The following CCSER1 variants were observed in gnomAD, a reference collection of about 807,000 sequenced individuals.
CCSER1 encodes the protein coiled-coil serine rich protein 1, also known as serine-rich coiled-coil domain-containing protein 1.
Under a neutral mutation model 82.0 loss-of-function variants are expected in CCSER1, and 41 were observed. The ratio of observed to expected loss-of-function variants is 0.50; its 90% CI spans 0.39 to 0.65. CCSER1 has a LOEUF of 0.65. Ranked by LOEUF, CCSER1 falls within the 30% of genes least tolerant of loss-of-function variation. CCSER1 has a pLI of 0.00. For missense variants in CCSER1, 1,119 were observed against 1,064.2 expected, an observed-to-expected ratio of 1.05 and a Z score of -0.72; for synonymous variants, 414 against 383.9, an observed-to-expected ratio of 1.08 and a Z score of -0.92.
intron 8 of CCSER1, among the ~76,000 whole-genome samples, chr4:90,825,119 G>C (rs889384101): frequency 1.2e-4 from 18 of 152,298 alleles, no homozygotes; most frequent in African/African-American, 3.8e-4. Flanking sequence ...ATTTGTTAAA[G>C]TCTTTATCAC....
At chr4:91,300,564 A>G (rs768080076) in intron 10 of CCSER1, among the ~76,000 whole-genome samples, 8 of 151,878 alleles carry the variant, frequency 5.3e-5, no homozygotes, top group Non-Finnish European at 8.8e-5. Flanking sequence ...AATTACTCCA[A>G]TATTTTAAAA....
At chr4:91,029,630 A>G (rs901693492) in intron 9 of CCSER1, among the ~76,000 whole-genome samples, 3 of 152,094 alleles carry the variant, frequency 2.0e-5, no homozygotes, top group Non-Finnish European at 4.4e-5. Flanking sequence ...ACTAATAATT[A>G]TAAAGGTCAG....
intron 1 of CCSER1, among the ~76,000 whole-genome samples, chr4:90,209,271 G>T (rs1296925405): frequency 6.6e-6 from 1 of 152,164 alleles, no homozygotes; most frequent in Non-Finnish European, 1.5e-5. Context: ...CCCAAGTGAG[G>T]GGCACCCCTA....
chr4:90,801,215 A>G (rs1756761905), intron 7 of CCSER1, among the ~76,000 whole-genome samples: 1 of 152,168 alleles, frequency 6.6e-6, no homozygotes, highest in East Asian at 1.9e-4. Flanking sequence ...AGGCTGATGA[A>G]CACTTTCTTG....
At chr4:91,160,499 T>G (rs564712588) in intron 10 of CCSER1, among the ~76,000 whole-genome samples, 1 of 152,222 alleles carries the variant, frequency 6.6e-6, no homozygotes, top group Admixed American at 6.5e-5. Flanking sequence ...TGAACTAGTT[T>G]ACAGTCCCAC....
chr4:90,189,948 T>C (rs962366492), intron 1 of CCSER1, among the ~76,000 whole-genome samples: 1 of 152,034 alleles, frequency 6.6e-6, no homozygotes, highest in African/African-American at 2.4e-5. Context: ...TATTTACAGA[T>C]ACCAGTAGAG....
intron 7 of CCSER1, among the ~76,000 whole-genome samples, chr4:90,808,493 C>T (rs895820593): frequency 3.3e-5 from 5 of 151,914 alleles, no homozygotes; most frequent in African/African-American, 7.3e-5. Context: ...ACCTGTACAT[C>T]GACAAAGAAC....
intron 8 of CCSER1, among the ~76,000 whole-genome samples, chr4:90,912,876 G>A (rs529807441): frequency 4.0e-4 from 61 of 152,338 alleles, no homozygotes; most frequent in Non-Finnish European, 6.3e-4. Context: ...TCAACTGGAA[G>A]AAAGGGTATC....
intron 4 of CCSER1, among the ~76,000 whole-genome samples, chr4:90,426,558 A>G (rs1757553383): frequency 6.6e-6 from 1 of 152,146 alleles, no homozygotes; most frequent in South Asian, 2.1e-4. Flanking sequence ...TAGCTGAAAA[A>G]CAATAGAAGG....
chr4:90,611,845 C>T lies in CCSER1; in HGVS notation c.1725-16180C>T, dbSNP rs567869278. ...TATTTCTGTTATCCTCAAAATAAAA[C>T]CACTCACGTGGCATGAAAAGGAGTC... On this transcript the variant is annotated intron_variant, in intron 5 of 10. Coordinates refer to ENST00000509176, the MANE Select transcript of CCSER1 (RefSeq NM_001145065.2). Among the ~76,000 whole-genome samples the T allele has an allele frequency of 2.5e-4, 38 of 149,926 alleles. No individual in the cohort carries two copies. The South Asian group carries it at 7.3e-3, about 29-fold the overall frequency.
At chr4:91,509,710 C>T (rs991580838) in intron 10 of CCSER1, among the ~76,000 whole-genome samples, 1 of 151,980 alleles carries the variant, frequency 6.6e-6, no homozygotes, top group African/African-American at 2.4e-5. Flanking sequence ...TAAATTCTTT[C>T]AGTTTTTTTG....
intron 10 of CCSER1, among the ~76,000 whole-genome samples, chr4:91,374,733 C>T (rs571584501): frequency 5.3e-5 from 8 of 152,334 alleles, no homozygotes; most frequent in Middle Eastern, 3.4e-3. Flanking sequence ...TGATGGCTCA[C>T]GCCTGTAATC....
chr4:90,721,701 A>G (rs980536112), intron 6 of CCSER1, among the ~76,000 whole-genome samples: 15 of 151,872 alleles, frequency 9.9e-5, no homozygotes, highest in Admixed American at 7.2e-4. Context: ...ACTTATCTTC[A>G]AAAGGTTTAC....
At chr4:90,683,718 A>C (rs1734296231) in intron 6 of CCSER1, among the ~76,000 whole-genome samples, 1 of 152,070 alleles carries the variant, frequency 6.6e-6, no homozygotes. Flanking sequence ...ACAAAAAGAA[A>C]ATAGCATACC....
At chr4:90,823,679 ATT>A (rs1760071729) in intron 8 of CCSER1, among the ~76,000 whole-genome samples, 1 of 151,992 alleles carries the variant, frequency 6.6e-6, no homozygotes, top group Non-Finnish European at 1.5e-5. Flanking sequence ...ATGTTTGGAC[ATT>A]TTAGTTTATA....
chr4:91,332,734 C>A (rs1747042700), intron 10 of CCSER1, among the ~76,000 whole-genome samples: 1 of 151,934 alleles, frequency 6.6e-6, no homozygotes, highest in South Asian at 2.1e-4. Context: ...ACGTAAGGAG[C>A]TTTGTATACT....
Position 90,785,246 on chromosome 4 carries a change from C to T in CCSER1, c.2011-30516C>T, listed in dbSNP as rs537627959. Among the ~76,000 whole-genome samples, 6 of 152,144 alleles carry T rather than the reference C, an allele frequency of 3.9e-5. No individual in the cohort carries two copies. In the South Asian group the frequency reaches 8.3e-4, roughly 21 times the overall value. ...GGAGATGGGGTTTCACCATGTTGTC[C>T]AGGCTGGTCTGGAACTCCTGGGCTC... is the stretch of plus-strand genomic sequence containing the variant. On this transcript the variant is annotated intron_variant, in intron 7 of 10. Coordinates refer to ENST00000509176, the MANE Select transcript of CCSER1 (RefSeq NM_001145065.2).
At chr4:91,524,801 A>C (rs1285708011) in intron 10 of CCSER1, among the ~76,000 whole-genome samples, 1 of 152,194 alleles carries the variant, frequency 6.6e-6, no homozygotes, top group Non-Finnish European at 1.5e-5. Flanking sequence ...AAGGTAATGC[A>C]GAGTCTTAAA....
intron 10 of CCSER1, among the ~76,000 whole-genome samples, chr4:91,153,580 G>A (rs1459127070): frequency 6.6e-6 from 1 of 151,850 alleles, no homozygotes; most frequent in Non-Finnish European, 1.5e-5. Context: ...TTCCTTTGAA[G>A]GCACTCTGAT....
Sources: allele counts gnomAD v4.1 joint callset (sites outside exome capture counted in the v4.1 genomes callset), GRCh38; gene constraint gnomAD v4.1.1; transcripts MANE v1.5; gene names NCBI Gene and HGNC (gene_info 2026-07-23, HGNC 2026-07-21).